Variants in COX7B2 observed in about 807,000 individuals in gnomAD.
COX7B2 encodes the protein cytochrome c oxidase subunit 7B2.
For synonymous variants in COX7B2, 37 were observed against 32.1 expected (o/e 1.15, Z -0.51); for missense variants, 109 against 95.9 (o/e 1.14, Z -0.57).
At chr4:46,870,612 G>A (rs1717929977) in intron 1 of COX7B2, among the ~76,000 whole-genome samples, 1 of 152,086 alleles carries the variant, frequency 6.6e-6, no homozygotes, top group African/African-American at 2.4e-5. Flanking sequence ...AGCTCTGCCA[G>A]CTGATAAACA....
chr4:46,866,270 G>C (rs1338860476), intron 1 of COX7B2, among the ~76,000 whole-genome samples: 2 of 152,094 alleles, frequency 1.3e-5, no homozygotes, highest in Non-Finnish European at 2.9e-5. Flanking sequence ...TGGAATTTGG[G>C]GAAAATACCT....
At chr4:46,849,684 CAA>C (rs900640320) in intron 1 of COX7B2, among the ~76,000 whole-genome samples, 1 of 151,820 alleles carries the variant, frequency 6.6e-6, no homozygotes, top group Non-Finnish European at 1.5e-5. Flanking sequence ...GAATTGGAGA[CAA>C]TGAATTTTTT....
At chr4:46,831,316 C>G (rs976509805) in intron 2 of COX7B2, among the ~76,000 whole-genome samples, 13 of 152,056 alleles carry the variant, frequency 8.5e-5, no homozygotes, top group African/African-American at 2.9e-4. Context: ...TGCCTGAGTG[C>G]CCCCCCAACC....
In COX7B2 at chr4:46,794,548, A is replaced by G. The variant is rs150796842; in HGVS notation, c.-50+50412T>C. On this transcript the variant is annotated intron_variant, in intron 2 of 2. Coordinates refer to ENST00000355591, the MANE Select transcript of COX7B2 (RefSeq NM_130902.3). Reference sequence around the variant, plus strand: ...CTATGAGAAATAAATTTTTGAGGGGAGCCCCAGCATCCTTAAAGAGCTCTG... The same window carrying G: ...CTATGAGAAATAAATTTTTGAGGGGGGCCCCAGCATCCTTAAAGAGCTCTG... Among the ~76,000 whole-genome samples the G allele has an allele frequency of 2.7e-3, 415 of 152,170 alleles. 1 individual carries two copies. The highest frequency in any genetic ancestry group is 9.5e-3 in the African/African-American group (393 of 41,532).
At chr4:46,854,231 G>C (rs1161952454) in intron 1 of COX7B2, among the ~76,000 whole-genome samples, 1 of 151,966 alleles carries the variant, frequency 6.6e-6, no homozygotes, top group African/African-American at 2.4e-5. Context: ...CTAATATGTT[G>C]AGTTTTTAAA....
chr4:46,752,274 C>G (rs1045490908), intron 2 of COX7B2, among the ~76,000 whole-genome samples: 21 of 151,266 alleles, frequency 1.4e-4, no homozygotes, highest in African/African-American at 5.1e-4. Flanking sequence ...ATTTTGTATC[C>G]TGAGACTTTG....
Position 46,790,015 on chromosome 4 carries a change from A to AGAAAAC in COX7B2, c.-49-54775_-49-54774insGTTTTC, listed in dbSNP as rs540274569. Among the ~76,000 whole-genome samples the AGAAAAC allele has an allele frequency of 1.2e-3, 187 of 151,932 alleles. 1 individual carries two copies. Among genetic ancestry groups the AGAAAAC allele is most frequent in the African/African-American group, 4.3e-3 (177 of 41,386 alleles). On this transcript the variant is annotated intron_variant, in intron 2 of 2. Coordinates refer to ENST00000355591, the MANE Select transcript of COX7B2 (RefSeq NM_130902.3). Reference sequence around the variant, plus strand: ...TTGTGTAGGTTTGTTAAAAAAAAAAACAGCAAAAACTTGGTTTTAGACATC... The same window carrying AGAAAAC: ...TTGTGTAGGTTTGTTAAAAAAAAAAAGAAAACCAGCAAAAACTTGGTTTTAGACATC...
At chr4:46,754,158 T>C (rs1209098112) in intron 2 of COX7B2, among the ~76,000 whole-genome samples, 1 of 152,042 alleles carries the variant, frequency 6.6e-6, no homozygotes, top group Admixed American at 6.5e-5. Flanking sequence ...AGTGTGGCGA[T>C]TTTTCAGGGA....
chr4:46,846,572 G>A (rs1464831096), intron 1 of COX7B2, among the ~76,000 whole-genome samples: 2 of 152,048 alleles, frequency 1.3e-5, no homozygotes, highest in South Asian at 2.1e-4. Flanking sequence ...CAGTAAAAGG[G>A]AACAGTGAGT....
At chr4:46,838,937 T>C (rs991670143) in intron 2 of COX7B2, among the ~76,000 whole-genome samples, 1 of 151,960 alleles carries the variant, frequency 6.6e-6, no homozygotes, top group African/African-American at 2.4e-5. Context: ...GATCATGCCA[T>C]GAAATCAAAG....
intron 2 of COX7B2, among the ~76,000 whole-genome samples, chr4:46,823,635 T>C (rs1434590415): frequency 6.6e-6 from 1 of 151,510 alleles, no homozygotes; most frequent in Non-Finnish European, 1.5e-5. Flanking sequence ...ATTTATATCA[T>C]TAATTGCTTA....
chr4:46,851,905 G>C (rs994933793), intron 1 of COX7B2, among the ~76,000 whole-genome samples: 2 of 152,060 alleles, frequency 1.3e-5, no homozygotes, highest in Non-Finnish European at 2.9e-5. Context: ...TGTTTACCTT[G>C]ATGATTTGAT....
chr4:46,857,952 C>G (rs1717095674), intron 1 of COX7B2, among the ~76,000 whole-genome samples: 2 of 152,120 alleles, frequency 1.3e-5, no homozygotes, highest in Admixed American at 1.3e-4. Context: ...ACCTCATAAT[C>G]TAATTTAACT....
chr4:46,798,004 T>C (rs1216436865), intron 2 of COX7B2, among the ~76,000 whole-genome samples: 2 of 152,160 alleles, frequency 1.3e-5, no homozygotes, highest in African/African-American at 4.8e-5. Flanking sequence ...TTCAAAGGGA[T>C]CCTGATCACC....
intron 2 of COX7B2, among the ~76,000 whole-genome samples, chr4:46,772,282 C>G (rs539014779): frequency 6.6e-6 from 1 of 152,030 alleles, no homozygotes; most frequent in African/African-American, 2.4e-5. Flanking sequence ...GGTGTTGTCA[C>G]GCACTGGGGT....
intron 2 of COX7B2, among the ~76,000 whole-genome samples, chr4:46,813,276 A>G (rs1472554199): frequency 1.3e-5 from 2 of 152,174 alleles, no homozygotes; most frequent in African/African-American, 4.8e-5. Context: ...AGAAGATTCC[A>G]TATCTTGGCT....
chr4:46,890,670 A>C (rs1190431016), intron 1 of COX7B2, among the ~76,000 whole-genome samples: 1 of 152,194 alleles, frequency 6.6e-6, no homozygotes, highest in Admixed American at 6.5e-5. Context: ...CCATATGAAC[A>C]TTTGGATAAA....
chr4:46,876,332 C>A (rs1025299470), intron 1 of COX7B2, among the ~76,000 whole-genome samples: 1 of 151,236 alleles, frequency 6.6e-6, no homozygotes, highest in African/African-American at 2.4e-5. Flanking sequence ...AATAATATTT[C>A]ATTGTATCTC....
chr4:46,753,538 C>T (rs573197094), intron 2 of COX7B2, among the ~76,000 whole-genome samples: 1 of 151,790 alleles, frequency 6.6e-6, no homozygotes, highest in East Asian at 1.9e-4. Flanking sequence ...GGATCCCTTC[C>T]TTACACCTTA....
Sources: gnomAD v4.1 joint callset for allele counts (sites outside exome capture counted in the v4.1 genomes callset) on GRCh38, gnomAD v4.1.1 for gene constraint, MANE v1.5 for transcripts, NCBI Gene and HGNC (gene_info 2026-07-23, HGNC 2026-07-21) for gene names.